Variants in PKP2 observed in about 807,000 individuals in gnomAD.
The protein encoded by PKP2 is plakophilin 2.
Under a neutral mutation model 83.4 loss-of-function variants are expected in PKP2, and 73 were observed. The ratio of observed to expected loss-of-function variants is 0.88; its 90% CI spans 0.72 to 1.06. PKP2 has a LOEUF of 1.06. Among genes scored for constraint, PKP2 ranks in the 50% least tolerant of loss-of-function variants. PKP2 has a pLI of 0.00. For missense variants in PKP2, 966 were observed against 1,065.4 expected, an observed-to-expected ratio of 0.91 and a Z score of 1.30; for synonymous variants, 409 against 430.4, an observed-to-expected ratio of 0.95 and a Z score of 0.62.
intron 6 of PKP2, among the ~76,000 whole-genome samples, chr12:32,835,846 G>C (rs1021791017): frequency 1.3e-5 from 2 of 152,146 alleles, no homozygotes; most frequent in South Asian, 2.1e-4. Context: ...TTTAGAGATG[G>C]GTCCATGTAG....
Position 32,875,569 on chromosome 12 carries a change from G to T in PKP2, c.1034+2277C>A, listed in dbSNP as rs570765061. On this transcript the variant is annotated intron_variant, in intron 3 of 12. Coordinates refer to ENST00000340811, the MANE Select transcript of PKP2 (RefSeq NM_001005242.3). ...AGCATGAACACTTAGTGGAATTATG[G>T]AAGGGTTATAAACAATCACATGTGG... 2.0e-5 allele frequency among the ~76,000 whole-genome samples: 3 copies of T among 152,302 alleles called. 1 individual carries two copies. In the South Asian group the frequency reaches 6.2e-4, roughly 32 times the overall value.
chr12:32,814,018 C>T (rs1399311641), intron 9 of PKP2, among the ~76,000 whole-genome samples: 1 of 152,112 alleles, frequency 6.6e-6, no homozygotes, highest in Non-Finnish European at 1.5e-5. Context: ...AAGAATCCTT[C>T]CCCTGTAGCC....
intron 1 of PKP2, among the ~76,000 whole-genome samples, chr12:32,883,654 C>T (rs758242890): frequency 6.6e-6 from 1 of 152,040 alleles, no homozygotes; most frequent in African/African-American, 2.4e-5. Flanking sequence ...TTGTTTATTT[C>T]GAAAAAGAAG....
intron 3 of PKP2, 127 bp from the exon 4 acceptor site, chr12:32,869,189 C>T (rs1203315937): frequency 1.8e-6 from 2 of 1,104,918 alleles, no homozygotes; most frequent in Admixed American, 3.5e-5. Flanking sequence ...GGCTTTTCTT[C>T]AGCCAAAAGA....
intron 10 of PKP2, among the ~76,000 whole-genome samples, chr12:32,801,807 G>A (rs557555409): frequency 1.9e-4 from 20 of 105,446 alleles, no homozygotes; most frequent in South Asian, 7.3e-4. Flanking sequence ...AAAAAGTACC[G>A]TTATCATCTC....
At chr12:32,880,573 C>T (rs1956976215) in intron 1 of PKP2, among the ~76,000 whole-genome samples, 1 of 152,130 alleles carries the variant, frequency 6.6e-6, no homozygotes, top group South Asian at 2.1e-4. Context: ...TGTGGAATCA[C>T]CTGGCCCCTC....
chr12:32,821,618 C>T (rs1956379956), intron 8 of PKP2, 89 bp from the exon 9 acceptor site: 2 of 1,280,518 alleles, frequency 1.6e-6, no homozygotes, highest in Non-Finnish European at 2.3e-6. Flanking sequence ...GAAATACTGT[C>T]TAGAAAGGCT....
At chr12:32,834,435 CT>C (rs1251241660) in intron 6 of PKP2, among the ~76,000 whole-genome samples, 5 of 152,126 alleles carry the variant, frequency 3.3e-5, no homozygotes, top group African/African-American at 1.2e-4. Context: ...GCGGAAGAGT[CT>C]TGGGGACTTA....
chr12:32,885,664 C>T (rs1179287295), intron 1 of PKP2, among the ~76,000 whole-genome samples: 1 of 151,074 alleles, frequency 6.6e-6, no homozygotes, highest in Non-Finnish European at 1.5e-5. Context: ...ATTCCGTCCC[C>T]CCCCCAAAAA....
At chr12:32,869,529 G>A (rs1306060552) in intron 3 of PKP2, among the ~76,000 whole-genome samples, 1 of 151,290 alleles carries the variant, frequency 6.6e-6, no homozygotes, top group African/African-American at 2.4e-5. Context: ...AACCCAGGAG[G>A]TGGAGATTTC....
chr12:32,850,732 T>C (rs1192478871), intron 5 of PKP2, 34 bp downstream of exon 5: 10 of 1,538,796 alleles, frequency 6.5e-6, no homozygotes, highest in South Asian at 1.1e-5. Flanking sequence ...GGGGTGCAAA[T>C]GTGTTAGGTT....
chr12:32,858,084 A>AAT (rs869148477), intron 4 of PKP2, among the ~76,000 whole-genome samples: 68 of 67,022 alleles, frequency 1.0e-3, no homozygotes, highest in East Asian at 4.3e-3. Context: ...AAAAAAAAAA[A>AAT]ATATATATAT....
chr12:32,861,328 T>G (rs1471836571), intron 4 of PKP2, among the ~76,000 whole-genome samples: 1 of 152,170 alleles, frequency 6.6e-6, no homozygotes, highest in Non-Finnish European at 1.5e-5. Flanking sequence ...TTCCATATGT[T>G]CAAAAATCTT....
chr12:32,859,276 G>A (rs1313514583), intron 4 of PKP2, among the ~76,000 whole-genome samples: 2 of 152,180 alleles, frequency 1.3e-5, no homozygotes, highest in Non-Finnish European at 2.9e-5. Flanking sequence ...TAGAATTAAT[G>A]TAAGAGACTA....
At position 32,824,152 on chromosome 12, in the gene PKP2, A is replaced by G. The variant is rs753678882; in HGVS notation, c.1567T>C (p.Ser523Pro). 1 of 1,609,818 alleles carries G rather than the reference A, an allele frequency of 6.2e-7. No individual in the cohort carries two copies. The highest frequency in any genetic ancestry group is 8.5e-7 in the Non-Finnish European group (1 of 1,176,642). Residue 523 changes from serine to proline, a missense_variant, in exon 7 of 13, where the codon TCT (serine) becomes CCT (proline). Ser to Pro is a moderately conservative substitution (Grantham distance 74). Transcript: ENST00000340811. ...GCTTTTCTCCCATCAGCGCCAGCAG[A>G]ACTCATGTTTCTATCAGAAAAAACA... Reference protein sequence around the residue: ...NVTGCLRNMSSAGADGRKAMR... With the variant: ...NVTGCLRNMSPAGADGRKAMR...
In PKP2 at chr12:32,841,033, GC is replaced by G; in HGVS notation, c.1550del (p.Cys517SerfsTer2). On this transcript the variant is annotated frameshift_variant, in exon 6 of 13. Coordinates refer to ENST00000340811, the MANE Select transcript of PKP2 (RefSeq NM_001005242.3). LOFTEE classifies it high-confidence loss of function. The stretch of plus-strand genomic sequence containing the variant: ...CAGGGTACAGGTAGCATTACCTTAG[GC>G]ATCCAGTGACGTTGTAGAATATGTC... Reference protein sequence around the residue: ...DFDIFYNVTGCLRNMSSAGAD... With the variant: ...DFDIFYNVTGXLRNMSSAGAD... 1 of 1,612,296 alleles carries G rather than the reference GC, an allele frequency of 6.2e-7. No individual in the cohort carries two copies. The highest frequency in any genetic ancestry group is 8.5e-7 in the Non-Finnish European group (1 of 1,179,258).
rs556485698 is a variant in PKP2 at position 32,791,038 on chromosome 12, C to T, written c.*1386G>A. 16 of 151,982 alleles carry T rather than the reference C, an allele frequency of 1.1e-4. No individual in the cohort carries two copies. The highest frequency in any genetic ancestry group is 1.0e-3 in the Admixed American group (16 of 15,274). The allele number at this position is 151,982 out of a possible 1,614,324, so 9.4% of individuals were successfully genotyped here. ...TAAGTACACATTCAAAATTTATTTT[C>T]TGTTACAGTTTTCTTGCCAAAAGGA... is the stretch of plus-strand genomic sequence containing the variant. On this transcript the variant is annotated 3_prime_UTR_variant, in exon 13 of 13. Transcript: ENST00000340811.
intron 3 of PKP2, among the ~76,000 whole-genome samples, chr12:32,875,797 G>C (rs1331562101): frequency 6.6e-6 from 1 of 152,208 alleles, no homozygotes; most frequent in Non-Finnish European, 1.5e-5. Flanking sequence ...AGCAGGAGGA[G>C]ATGGGTGGAA....
intron 6 of PKP2, among the ~76,000 whole-genome samples, chr12:32,839,966 T>C (rs1286937543): frequency 1.3e-5 from 2 of 152,230 alleles, no homozygotes; most frequent in Non-Finnish European, 2.9e-5. Flanking sequence ...ACCTCTTTTC[T>C]AGTGCCCTTC....
Sources: gnomAD v4.1 joint callset for allele counts (sites outside exome capture counted in the v4.1 genomes callset) on GRCh38, gnomAD v4.1.1 for gene constraint, MANE v1.5 for transcripts, NCBI Gene and HGNC (gene_info 2026-07-23, HGNC 2026-07-21) for gene names.